AGBL4: variants seen among roughly 807,000 people sequenced by gnomAD.
AGBL4 encodes the protein AGBL carboxypeptidase 4, also known as cytosolic carboxypeptidase 6.
AGBL4 carries 58 observed loss-of-function variants against 66.4 expected under a neutral mutation model. The observed-to-expected ratio is 0.87, with a 90% CI of 0.71 to 1.09. The LOEUF is 1.09. Ranked by LOEUF, AGBL4 falls within the 50% of genes least tolerant of loss-of-function variation. The pLI is 0.00. For missense variants in AGBL4, 579 were observed against 631.0 expected (o/e 0.92, Z 0.88); for synonymous variants, 234 against 222.9 (o/e 1.05, Z -0.44).
chr1:48,801,480 G>A (rs1645805772), intron 6 of AGBL4, among the ~76,000 whole-genome samples: 1 of 152,220 alleles, frequency 6.6e-6, no homozygotes, highest in African/African-American at 2.4e-5. Context: ...GTGAGATAAA[G>A]TCAGGGATGG....
At chr1:48,788,064 A>G (rs1480045978) in intron 6 of AGBL4, among the ~76,000 whole-genome samples, 2 of 152,244 alleles carry the variant, frequency 1.3e-5, no homozygotes, top group Non-Finnish European at 2.9e-5. Context: ...TTTGGGCTCA[A>G]TTACTGCTTT....
At chr1:49,526,860 A>T (rs1470573707) in intron 3 of AGBL4, among the ~76,000 whole-genome samples, 4 of 152,118 alleles carry the variant, frequency 2.6e-5, no homozygotes, top group Non-Finnish European at 5.9e-5. Flanking sequence ...TTTTCTGTGT[A>T]ATTCTGGAGT....
chr1:48,884,429 C>T (rs1320872324), intron 5 of AGBL4, among the ~76,000 whole-genome samples: 2 of 150,984 alleles, frequency 1.3e-5, no homozygotes, highest in Non-Finnish European at 2.9e-5. Context: ...CTAAGTTTCT[C>T]ATAGTTATGA....
chr1:49,277,452 AGTCTTAGGAGG>A (rs1271318006), intron 3 of AGBL4, among the ~76,000 whole-genome samples: 2 of 152,120 alleles, frequency 1.3e-5, no homozygotes, highest in African/African-American at 4.8e-5. Flanking sequence ...GGACAAACAA[AGTCTTAGGAGG>A]CATAAACCTG....
At chr1:49,481,526 G>C (rs932233387) in intron 3 of AGBL4, among the ~76,000 whole-genome samples, 1 of 151,656 alleles carries the variant, frequency 6.6e-6, no homozygotes, top group Non-Finnish European at 1.5e-5. Context: ...AGAAGCTTTT[G>C]GACTGAGATG....
chr1:48,837,001 A>ATT (rs1646691126), intron 6 of AGBL4, among the ~76,000 whole-genome samples: 1 of 148,202 alleles, frequency 6.7e-6, no homozygotes, highest in Non-Finnish European at 1.5e-5. Flanking sequence ...AACATCATAT[A>ATT]TTATATATAG....
At chr1:49,107,694 TGAGAGAGAGAGAGAGA>T (rs56321932) in intron 4 of AGBL4, among the ~76,000 whole-genome samples, 24 of 113,994 alleles carry the variant, frequency 2.1e-4, no homozygotes, top group East Asian at 1.1e-3. Flanking sequence ...TGTGTGTGTG[TGAGAGAGAGAGAGAGA>T]GAGAGAGAGA....
At chr1:49,799,944 G>A (rs1033775219) in intron 2 of AGBL4, among the ~76,000 whole-genome samples, 1 of 152,106 alleles carries the variant, frequency 6.6e-6, no homozygotes, top group Admixed American at 6.5e-5. Context: ...TGAGAGGTTT[G>A]CAGGAAAAAG....
intron 5 of AGBL4, among the ~76,000 whole-genome samples, chr1:48,884,000 C>A (rs187044923): frequency 6.6e-6 from 1 of 152,162 alleles, no homozygotes. Flanking sequence ...GCTACAGTCC[C>A]TCAGAGGGCC....
intron 1 of AGBL4, among the ~76,000 whole-genome samples, chr1:49,940,240 T>C (rs1654600996): frequency 6.6e-6 from 1 of 152,192 alleles, no homozygotes; most frequent in Non-Finnish European, 1.5e-5. Flanking sequence ...AGGAACACTT[T>C]TACACTGTTG....
chr1:48,653,293 ATCCTATAAG>A, intron 8 of AGBL4, 35 bp downstream of exon 8: 1 of 1,435,524 alleles, frequency 7.0e-7, no homozygotes, highest in Non-Finnish European at 9.5e-7. Flanking sequence ...CCATACTACC[ATCCTATAAG>A]TACTTGCTTC....
chr1:49,470,784 ATGAC>A (rs1646726485), intron 3 of AGBL4, among the ~76,000 whole-genome samples: 1 of 152,078 alleles, frequency 6.6e-6, no homozygotes, highest in Non-Finnish European at 1.5e-5. Flanking sequence ...GGGTATAAAT[ATGAC>A]TGCAGACATG....
At chr1:48,913,072 C>G (rs147836832) in intron 5 of AGBL4, among the ~76,000 whole-genome samples, 1 of 152,154 alleles carries the variant, frequency 6.6e-6, no homozygotes, top group East Asian at 1.9e-4. Context: ...TTTTATATCA[C>G]TACAGGAAGA....
At chr1:49,104,293 AT>A (rs148671244) in intron 4 of AGBL4, among the ~76,000 whole-genome samples, 6 of 152,316 alleles carry the variant, frequency 3.9e-5, no homozygotes, top group African/African-American at 1.4e-4. Context: ...TTTTAATTTT[AT>A]AGTAATGTAT....
At chr1:49,718,270 G>T (rs1648318792) in intron 2 of AGBL4, among the ~76,000 whole-genome samples, 1 of 151,944 alleles carries the variant, frequency 6.6e-6, no homozygotes, top group Admixed American at 6.6e-5. Flanking sequence ...AAAGAGTGTA[G>T]CATCTCACCA....
intron 3 of AGBL4, among the ~76,000 whole-genome samples, chr1:49,309,657 T>C (rs1644910339): frequency 6.6e-6 from 1 of 151,902 alleles, no homozygotes; most frequent in Non-Finnish European, 1.5e-5. Context: ...AAGTAGCTTA[T>C]ATTCTTTCCA....
At chr1:49,434,036 T>C (rs1164568252) in intron 3 of AGBL4, among the ~76,000 whole-genome samples, 8 of 152,202 alleles carry the variant, frequency 5.3e-5, no homozygotes, top group Non-Finnish European at 1.0e-4. Flanking sequence ...GATCGTGCTA[T>C]ACACTTTCAT....
intron 3 of AGBL4, among the ~76,000 whole-genome samples, chr1:49,323,785 C>G (rs1375454297): frequency 6.8e-6 from 1 of 147,854 alleles, no homozygotes; most frequent in African/African-American, 2.5e-5. Flanking sequence ...AAAAAAAAAG[C>G]CCCTAAGGCC....
rs567951763 is a variant in AGBL4, at chr1:49,054,463, C to A, written c.378-8663G>T. On this transcript the variant is annotated intron_variant, in intron 4 of 13. Transcript: ENST00000371839. ...TGGTATTTTTTGAAATTGGTGAAAA[C>A]AATGTACTTGTTAAATCAGCAAACC... 9.6e-4 allele frequency among the ~76,000 whole-genome samples: 146 copies of A among 151,934 alleles called. 1 individual carries two copies. The highest frequency in any genetic ancestry group is 1.7e-3 in the Non-Finnish European group (118 of 67,840).
Sources: gnomAD v4.1 joint callset for allele counts (sites outside exome capture counted in the v4.1 genomes callset) on GRCh38, gnomAD v4.1.1 for gene constraint, MANE v1.5 for transcripts, NCBI Gene and HGNC (gene_info 2026-07-23, HGNC 2026-07-21) for gene names.